Variants in PATJ observed in about 807,000 individuals in gnomAD.
PATJ encodes PATJ crumbs cell polarity complex component.
A neutral mutation model predicts 224.9 loss-of-function variants in PATJ; 190 were observed. That is an observed-to-expected ratio of 0.84 (90% confidence interval 0.75 to 0.95). The LOEUF (loss-of-function observed/expected upper bound fraction) is 0.95, where lower values mean the gene tolerates loss of function less well. Among genes scored for constraint, PATJ ranks in the 40% least tolerant of loss-of-function variants. The pLI, the probability that PATJ is intolerant of heterozygous loss-of-function variation, is 0.00. For missense variants in PATJ, 2,121 were observed against 2,270.3 expected, an observed-to-expected ratio of 0.93 and a Z score of 1.34; for synonymous variants, 769 against 820.3, an observed-to-expected ratio of 0.94 and a Z score of 1.07.
At chr1:61,982,545 A>T (rs1644506155) in intron 27 of PATJ, among the ~76,000 whole-genome samples, 2 of 152,014 alleles carry the variant, frequency 1.3e-5, no homozygotes, top group Non-Finnish European at 2.9e-5. Context: ...GTGAACTGTG[A>T]AATGTTTCTT....
Position 61,901,300 on chromosome 1 carries a change from A to G in PATJ, c.3222A>G (p.Glu1074=). ...GPPRIVEIFR[E]PNVSLGISIV... ...TATATAGTGTTGAGATTTTTAGAGA[A>G]CCCAATGTGTCTCTTGGGATCAGTA... Residue 1074 remains glutamate, a synonymous_variant, in exon 24 of 44, where the codon GAA becomes GAG. Transcript: ENST00000642238. 6.5e-7 allele frequency: 1 copy of G among 1,533,714 alleles called. No individual in the cohort carries two copies.
intron 39 of PATJ, among the ~76,000 whole-genome samples, chr1:62,125,248 A>AC (rs1558203682): frequency 1.9e-5 from 2 of 102,706 alleles, no homozygotes; most frequent in Admixed American, 2.5e-4. Context: ...AAAAAAAAAA[A>AC]AAAAACAAAA....
chr1:62,133,842 G>A (rs1458499585), intron 41 of PATJ, among the ~76,000 whole-genome samples: 1 of 151,484 alleles, frequency 6.6e-6, no homozygotes, highest in African/African-American at 2.4e-5. Context: ...CACCTCCTGG[G>A]TTCAAGCAAT....
chr1:61,869,167 C>A (rs373650777), intron 20 of PATJ, among the ~76,000 whole-genome samples: 1 of 135,126 alleles, frequency 7.4e-6, no homozygotes, highest in Non-Finnish European at 1.5e-5. Context: ...AGTGCAGTGG[C>A]GCCATCTCGG....
intron 26 of PATJ, 48 bp from the exon 27 acceptor site, chr1:61,927,682 C>G: frequency 8.8e-7 from 1 of 1,133,174 alleles, no homozygotes; most frequent in South Asian, 1.3e-5. Context: ...GAAGAAAGAG[C>G]ATTGTACAAG....
intron 30 of PATJ, among the ~76,000 whole-genome samples, chr1:62,040,845 A>G (rs1424583183): frequency 6.6e-6 from 1 of 152,192 alleles, no homozygotes. Context: ...GAAGAAAAAT[A>G]ACTTTTTTCT....
intron 26 of PATJ, among the ~76,000 whole-genome samples, chr1:61,924,734 T>G (rs1674855523): frequency 6.6e-6 from 1 of 152,178 alleles, no homozygotes; most frequent in Admixed American, 6.5e-5. Context: ...GGTAGGAAAA[T>G]ATTTCACACT....
At chr1:61,839,046 A>T (rs1257687517) in intron 17 of PATJ, among the ~76,000 whole-genome samples, 2 of 152,218 alleles carry the variant, frequency 1.3e-5, no homozygotes, top group African/African-American at 4.8e-5. Context: ...TTAAGTAATT[A>T]GTCCAATTCA....
At chr1:61,989,293 T>C (rs905795969) in intron 27 of PATJ, among the ~76,000 whole-genome samples, 8 of 152,112 alleles carry the variant, frequency 5.3e-5, no homozygotes, top group Non-Finnish European at 1.5e-5. Flanking sequence ...TTTCTCAACA[T>C]CCATGAAATG....
At chr1:61,796,855 T>G (rs1651427637) in intron 10 of PATJ, among the ~76,000 whole-genome samples, 1 of 149,216 alleles carries the variant, frequency 6.7e-6, no homozygotes, top group African/African-American at 2.5e-5. Context: ...CTTCCGTCTT[T>G]CCTTCCCTCT....
rs1450046091 is a variant in PATJ, at chr1:61,801,769, G to T, written c.1549G>T (p.Glu517Ter). Reference protein sequence around the residue: ...NDNIQALEKLEKVPDSPENEL... With the variant: ...NDNIQALEKL The stretch of plus-strand genomic sequence containing the variant: ...CAACATACAAGCCTTAGAAAAATTG[G>T]GTAGGCACAAAGCATTCACTTTGCG... The change falls in exon 12 of 44, where the codon GAA becomes TAA. Residue 517 changes from glutamate to a stop codon, truncating the protein, a stop_gained and splice_region_variant. Coordinates refer to ENST00000642238, the MANE Select transcript of PATJ (RefSeq NM_001350145.3). LOFTEE classifies it high-confidence loss of function. 6.4e-7 allele frequency: 1 copy of T among 1,568,290 alleles called. No individual in the cohort carries two copies. Among genetic ancestry groups the T allele is most frequent in the South Asian group, 1.2e-5 (1 of 82,628 alleles).
At chr1:61,837,650 C>T (rs747770888) in intron 17 of PATJ, among the ~76,000 whole-genome samples, 5 of 151,958 alleles carry the variant, frequency 3.3e-5, no homozygotes, top group South Asian at 4.2e-4. Flanking sequence ...ATTAGCCAGG[C>T]GTGGTGGTGC....
chr1:62,011,779 G>T (rs915223782), intron 28 of PATJ, among the ~76,000 whole-genome samples: 9 of 151,860 alleles, frequency 5.9e-5, no homozygotes, highest in Non-Finnish European at 1.2e-4. Flanking sequence ...TGTCATAAGG[G>T]TATGTTATTG....
chr1:61,882,631 A>G (rs925383696), intron 21 of PATJ, among the ~76,000 whole-genome samples: 5 of 152,096 alleles, frequency 3.3e-5, no homozygotes, highest in Admixed American at 2.6e-4. Context: ...TCTGTTGCCC[A>G]GGCTAGAGTA....
Position 62,024,715 on chromosome 1 carries a change from C to G in PATJ, c.3959+6768C>G, listed in dbSNP as rs1042038837. ...ACACACACACACACACACACACACA[C>G]AGTGAAACAATACATCTAGATGCCT... On this transcript the variant is annotated intron_variant, in intron 29 of 43. Transcript: ENST00000642238. Among the ~76,000 whole-genome samples the G allele has an allele frequency of 6.1e-5, 8 of 130,220 alleles. No individual in the cohort carries two copies. In the East Asian group the frequency reaches 1.5e-3, roughly 24 times the overall value. The allele number at this position is 130,220 out of a possible 152,430, so 85.4% of individuals were successfully genotyped here.
chr1:61,913,039 T>C (rs965176562), intron 25 of PATJ, among the ~76,000 whole-genome samples: 1 of 152,186 alleles, frequency 6.6e-6, no homozygotes, highest in African/African-American at 2.4e-5. Flanking sequence ...TCGTTACTGT[T>C]GTTTTTTACG....
chr1:62,101,895 C>T (rs1662223188), intron 33 of PATJ, among the ~76,000 whole-genome samples: 1 of 152,080 alleles, frequency 6.6e-6, no homozygotes, highest in African/African-American at 2.4e-5. Context: ...TTAAAGTATC[C>T]AGGCTGGGCA....
chr1:61,862,710 G>A (rs1247105300), intron 19 of PATJ, among the ~76,000 whole-genome samples: 2 of 151,986 alleles, frequency 1.3e-5, no homozygotes, highest in African/African-American at 4.8e-5. Context: ...TTCTAAAGAA[G>A]AGTTATTTAG....
chr1:61,888,486 G>A (rs926688125), intron 22 of PATJ, among the ~76,000 whole-genome samples: 4 of 151,580 alleles, frequency 2.6e-5, no homozygotes, highest in East Asian at 1.9e-4. Flanking sequence ...ATGGTGTCTC[G>A]CCATGTTGGC....
Sources: gnomAD v4.1 joint callset for allele counts (sites outside exome capture counted in the v4.1 genomes callset) on GRCh38, gnomAD v4.1.1 for gene constraint, MANE v1.5 for transcripts, NCBI Gene and HGNC (gene_info 2026-07-23, HGNC 2026-07-21) for gene names.